Variants in LUC7L2 observed in about 807,000 individuals in gnomAD.
LUC7L2 encodes LUC7 like 2, pre-mRNA splicing factor, also known as putative RNA-binding protein Luc7-like 2.
Under a neutral mutation model 52.8 loss-of-function variants are expected in LUC7L2, and 25 were observed. The ratio of observed to expected loss-of-function variants is 0.47; its 90% CI spans 0.34 to 0.66. The LOEUF is 0.66. Ranked by LOEUF, LUC7L2 falls within the 30% of genes least tolerant of loss-of-function variation. LUC7L2 has a pLI of 0.01. For synonymous variants in LUC7L2, 144 were observed against 160.9 expected (o/e 0.89, Z 0.80); for missense variants, 328 against 497.8 (o/e 0.66, Z 3.25).
At position 139,387,871 on chromosome 7, in the gene LUC7L2, G is replaced by A. The variant is rs75436357; in HGVS notation, c.157-10728G>A. ...GGCCTCAAGTGATCCTCCTGCTATG[G>A]CCTCACAAAGTGTTGGGATTGCAGG... On this transcript the variant is annotated intron_variant, in intron 2 of 9. Transcript: ENST00000354926. Among the ~76,000 whole-genome samples, 874 of 152,216 alleles carry A rather than the reference G, an allele frequency of 5.7e-3. 21 individuals carry two copies. In the East Asian group the frequency reaches 0.087, roughly 15 times the overall value.
chr7:139,420,470 T>C (rs1174472574), intron 9 of LUC7L2, among the ~76,000 whole-genome samples: 1 of 152,238 alleles, frequency 6.6e-6, no homozygotes, highest in Admixed American at 6.5e-5. Flanking sequence ...CCCAAAATGC[T>C]GGGATTACAG....
chr7:139,345,755 C>G (rs1281436699), intron 1 of LUC7L2: 24 of 1,539,616 alleles, frequency 1.6e-5, no homozygotes, highest in Non-Finnish European at 1.8e-5. Flanking sequence ...TGAATAATTT[C>G]TATCAATATG....
chr7:139,359,855 AG>A (rs1799766238), upstream of LUC7L2: 1 of 407,660 alleles, frequency 2.5e-6, no homozygotes, highest in East Asian at 3.6e-5. Flanking sequence ...CAGTTGGTGG[AG>A]CCCCCGCGGG....
intron 4 of LUC7L2, 75 bp downstream of exon 4, chr7:139,402,322 A>G: frequency 1.4e-6 from 2 of 1,382,076 alleles, no homozygotes; most frequent in Non-Finnish European, 1.9e-6. Flanking sequence ...TTTTGAAATA[A>G]TTAGATTTGC....
chr7:139,362,653 T>G (rs6961204), intron 1 of LUC7L2, among the ~76,000 whole-genome samples: 28,603 of 146,572 alleles, frequency 0.2, 2,913 homozygotes, highest in Middle Eastern at 0.32. Flanking sequence ...TTCCAGAGAC[T>G]ATAAAGCAGC....
chr7:139,358,574 C>T (rs1799695083), upstream of LUC7L2, among the ~76,000 whole-genome samples: 1 of 152,178 alleles, frequency 6.6e-6, no homozygotes, highest in Non-Finnish European at 1.5e-5. Flanking sequence ...TTCAAAGTAT[C>T]TAGAAAGTGC....
At chr7:139,414,912 A>T (rs1795520456) in intron 8 of LUC7L2, among the ~76,000 whole-genome samples, 1 of 151,974 alleles carries the variant, frequency 6.6e-6, no homozygotes, top group South Asian at 2.1e-4. Flanking sequence ...TTTGAGACGG[A>T]GTCTTGCTCT....
chr7:139,410,588 CT>C (rs1432604912), intron 7 of LUC7L2, among the ~76,000 whole-genome samples: 2 of 152,090 alleles, frequency 1.3e-5, no homozygotes, highest in Non-Finnish European at 2.9e-5. Flanking sequence ...TGTAACTCAT[CT>C]TTTTAACTTC....
At chr7:139,386,564 C>T (rs576168067) in intron 2 of LUC7L2, among the ~76,000 whole-genome samples, 1 of 149,506 alleles carries the variant, frequency 6.7e-6, no homozygotes, top group South Asian at 2.1e-4. Flanking sequence ...GCCACCACAC[C>T]TGGCTAATTT....
At chr7:139,394,877 A>AC (rs1794593156) in intron 2 of LUC7L2, among the ~76,000 whole-genome samples, 1 of 152,222 alleles carries the variant, frequency 6.6e-6, no homozygotes, top group Non-Finnish European at 1.5e-5. Flanking sequence ...TTCTGTGCAA[A>AC]GAATGGGACT....
intron 1 of LUC7L2, among the ~76,000 whole-genome samples, chr7:139,367,383 A>G (rs1005276368): frequency 1.3e-5 from 2 of 152,256 alleles, no homozygotes; most frequent in African/African-American, 4.8e-5. Context: ...ACCACCATAA[A>G]AATAAATACA....
intron 1 of LUC7L2, among the ~76,000 whole-genome samples, chr7:139,360,796 T>C (rs1202055639): frequency 1.3e-5 from 2 of 152,106 alleles, no homozygotes; most frequent in African/African-American, 4.8e-5. Context: ...AAACCTTTAT[T>C]ACTAACCCAG....
At position 139,409,649 on chromosome 7, in the gene LUC7L2, G is replaced by A. The variant is rs773268651; in HGVS notation, c.774G>A (p.Leu258=). 7.5e-6 allele frequency: 12 copies of A among 1,608,772 alleles called. No homozygotes were observed. Among genetic ancestry groups the A allele is most frequent in the Non-Finnish European group, 1.0e-5 (12 of 1,177,316 alleles). Residue 258 remains leucine, a synonymous_variant, in exon 7 of 10, where the codon CTG becomes CTA. Transcript: ENST00000354926. ...EEREREEREK[L]RRSRSHSKNP... ...GAGAGAGAGAAGAAAGGGAGAAGCT[G>A]AGGAGGTATGGAGTAATGGGCCAAG...
intron 6 of LUC7L2, among the ~76,000 whole-genome samples, chr7:139,407,613 A>G (rs1414582621): frequency 1.3e-5 from 2 of 152,170 alleles, no homozygotes; most frequent in Non-Finnish European, 2.9e-5. Context: ...ACTAGTTACT[A>G]AAAGAGTCCC....
At chr7:139,340,592 G>T in intron 1 of LUC7L2, 1 of 397,440 alleles carries the variant, frequency 2.5e-6, no homozygotes, top group Admixed American at 4.4e-5. Flanking sequence ...CCCTCACGTG[G>T]GCGCTAGGTG....
At chr7:139,390,244 TTTC>T (rs1794386745) in intron 2 of LUC7L2, among the ~76,000 whole-genome samples, 1 of 151,712 alleles carries the variant, frequency 6.6e-6, no homozygotes, top group Admixed American at 6.6e-5. Context: ...TCTCTCTTTT[TTTC>T]TTATTTTTTT....
intron 1 of LUC7L2, chr7:139,371,569 G>A: frequency 7.6e-7 from 1 of 1,319,116 alleles, no homozygotes; most frequent in Non-Finnish European, 1.0e-6. Context: ...TGGGGGGAGG[G>A]GGCGGATATT....
chr7:139,416,062 T>C (rs1238011149), intron 8 of LUC7L2: 2 of 48,192 alleles, frequency 4.2e-5, no homozygotes, highest in Non-Finnish European at 6.5e-5. Flanking sequence ...TATATATATA[T>C]ATATATATAT....
At chr7:139,360,439 T>G in intron 1 of LUC7L2, 117 bp downstream of exon 1, 1 of 874,282 alleles carries the variant, frequency 1.1e-6, no homozygotes, top group Non-Finnish European at 1.7e-6. Flanking sequence ...CCCAGATTGG[T>G]AACACGAGGT....
Sources: gnomAD v4.1 joint callset for allele counts (sites outside exome capture counted in the v4.1 genomes callset) on GRCh38, gnomAD v4.1.1 for gene constraint, MANE v1.5 for transcripts, NCBI Gene and HGNC (gene_info 2026-07-23, HGNC 2026-07-21) for gene names.